Variants in ATP2C2 observed in about 807,000 individuals in gnomAD.
The protein encoded by ATP2C2 is calcium-transporting ATPase type 2C member 2.
ATP2C2 carries 171 observed loss-of-function variants against 110.8 expected under a neutral mutation model. The observed-to-expected ratio is 1.54, with a 90% CI of 1.36 to 1.75. The LOEUF (loss-of-function observed/expected upper bound fraction) is 1.75. Among genes scored for constraint, ATP2C2 ranks in the 40% most tolerant of loss-of-function variants. The probability of loss-of-function intolerance (pLI) is 0.00; values close to 1 mark genes in which losing one functional copy is unlikely to be tolerated. For synonymous variants in ATP2C2, 804 were observed against 508.4 expected (o/e 1.58, Z -7.82); for missense variants, 1,963 against 1,235.0 (o/e 1.59, Z -8.84).
intron 3 of ATP2C2, among the ~76,000 whole-genome samples, chr16:84,405,784 G>A (rs968637638): frequency 6.6e-6 from 1 of 152,280 alleles, no homozygotes; most frequent in Non-Finnish European, 1.5e-5. Flanking sequence ...GCCGGATGTG[G>A]TAGTGGATGC....
intron 1 of ATP2C2, 152 bp downstream of exon 1, chr16:84,368,866 C>G (rs76727304): frequency 1.6e-4 from 107 of 684,256 alleles, no homozygotes; most frequent in Non-Finnish European, 2.0e-4. Flanking sequence ...TCACAGCAAC[C>G]GCGCTCTCAT....
At chr16:84,374,258 G>T (rs531914229) in intron 1 of ATP2C2, among the ~76,000 whole-genome samples, 1 of 152,194 alleles carries the variant, frequency 6.6e-6, no homozygotes, top group Non-Finnish European at 1.5e-5. Context: ...TGTGCGCTGT[G>T]TGATGACTCA....
At chr16:84,436,746 C>T (rs995186717) in intron 11 of ATP2C2, among the ~76,000 whole-genome samples, 2 of 148,474 alleles carry the variant, frequency 1.3e-5, no homozygotes, top group African/African-American at 5.0e-5. Flanking sequence ...TCCCCCTCCC[C>T]ATCGCCAGCG....
intron 1 of ATP2C2, among the ~76,000 whole-genome samples, chr16:84,375,628 T>G (rs1910208747): frequency 6.6e-6 from 1 of 152,210 alleles, no homozygotes; most frequent in African/African-American, 2.4e-5. Context: ...CCACGTGGAT[T>G]CCACGATTCT....
Position 84,461,558 on chromosome 16 carries a change from G to C in ATP2C2, c.2482-156G>C, listed in dbSNP as rs1335173778. The C allele has an allele frequency of 4.2e-6, 3 of 720,770 alleles. No individual in the cohort carries two copies. The African/African-American group carries it at 5.2e-5, about 12-fold the overall frequency. 44.6% of individuals were successfully genotyped at this position (720,770 alleles called of 1,614,324 possible). A position where few individuals can be genotyped will look rare whatever the true frequency, so the allele number is the denominator to read the frequency against. On this transcript the variant is annotated intron_variant, in intron 24 of 26. Coordinates refer to ENST00000262429, the MANE Select transcript of ATP2C2 (RefSeq NM_014861.4). The stretch of plus-strand genomic sequence containing the variant: ...GGGAGACCCTGGGGTAGCAGCCACT[G>C]ACCTCACACCTGGAGGAAGCTGTGT...
intron 25 of ATP2C2, 49 bp downstream of exon 25, chr16:84,461,861 G>C (rs550159854): frequency 1.9e-5 from 30 of 1,607,088 alleles, no homozygotes; most frequent in South Asian, 1.5e-4. Context: ...GTGTGTTCTC[G>C]ACAGCAGCGC....
At chr16:84,444,133 C>G (rs1021984545) in intron 15 of ATP2C2, among the ~76,000 whole-genome samples, 15 of 141,756 alleles carry the variant, frequency 1.1e-4, no homozygotes, top group African/African-American at 4.0e-4. Flanking sequence ...CACCACTGCA[C>G]TCCAGTCTAG....
At chr16:84,403,956 G>T (rs1464792570) in intron 2 of ATP2C2, among the ~76,000 whole-genome samples, 4 of 152,158 alleles carry the variant, frequency 2.6e-5, no homozygotes, top group African/African-American at 9.7e-5. Flanking sequence ...CTCCCAAAGC[G>T]CTGGGATTAC....
intron 4 of ATP2C2, among the ~76,000 whole-genome samples, chr16:84,408,749 C>T (rs888535685): frequency 1.3e-5 from 2 of 152,052 alleles, no homozygotes; most frequent in Non-Finnish European, 2.9e-5. Context: ...GCAGGGAATT[C>T]CTTTCCCGTG....
intron 1 of ATP2C2, among the ~76,000 whole-genome samples, chr16:84,377,854 G>A (rs1910337551): frequency 6.6e-6 from 1 of 152,152 alleles, no homozygotes. Flanking sequence ...TCTTGAGGCT[G>A]CAGCCCCTCT....
At chr16:84,460,570 T>G in intron 23 of ATP2C2, 84 bp from the exon 24 acceptor site, 2 of 1,596,220 alleles carry the variant, frequency 1.3e-6, no homozygotes, top group Non-Finnish European at 1.7e-6. Context: ...CAACTTGGCC[T>G]GGGAGGCTCA....
intron 2 of ATP2C2, among the ~76,000 whole-genome samples, chr16:84,404,146 A>G (rs1412436207): frequency 6.6e-6 from 1 of 152,228 alleles, no homozygotes; most frequent in African/African-American, 2.4e-5. Flanking sequence ...ACGTTCAGGT[A>G]CGTGAAAACT....
chr16:84,451,270 T>C (rs1910234528), intron 17 of ATP2C2, among the ~76,000 whole-genome samples: 1 of 152,132 alleles, frequency 6.6e-6, no homozygotes. Flanking sequence ...CACCCCATGA[T>C]TCAATTATCT....
In ATP2C2 at chr16:84,455,071, G is replaced by GGT. The variant is rs948418834; in HGVS notation, c.2147+88_2147+89insTG. The GGT allele has an allele frequency of 2.8e-5, 39 of 1,376,196 alleles. 3 individuals carry two copies. In the South Asian group the frequency reaches 3.2e-4, roughly 11 times the overall value. 85.2% of individuals were successfully genotyped at this position (1,376,196 alleles called of 1,614,324 possible). A position where few individuals can be genotyped will look rare whatever the true frequency, so the allele number is the denominator to read the frequency against. ...TGGAACCTGCTACTGTGGAGATAGAGGGGGGGGTCTCGCGGAGTCCCCAGG... is the reference window on the plus strand; with the variant it reads ...TGGAACCTGCTACTGTGGAGATAGAGGTGGGGGGGTCTCGCGGAGTCCCCAGG... On this transcript the variant is annotated intron_variant, in intron 21 of 26. Coordinates refer to ENST00000262429, the MANE Select transcript of ATP2C2 (RefSeq NM_014861.4).
At chr16:84,395,660 C>T (rs1904928174) in intron 1 of ATP2C2, among the ~76,000 whole-genome samples, 1 of 151,870 alleles carries the variant, frequency 6.6e-6, no homozygotes. Context: ...CAGATGCCTG[C>T]CACCATGCCT....
At chr16:84,461,249 G>C in intron 24 of ATP2C2, 1 of 265,154 alleles carries the variant, frequency 3.8e-6, no homozygotes, top group Non-Finnish European at 7.2e-6. Flanking sequence ...ATCTAGGTGG[G>C]AAATGAGGCA....
chr16:84,428,082 T>A (rs1168165770), intron 11 of ATP2C2, among the ~76,000 whole-genome samples: 1 of 152,220 alleles, frequency 6.6e-6, no homozygotes, highest in Admixed American at 6.5e-5. Flanking sequence ...TAATGATCAT[T>A]ACAGTGAATT....
At chr16:84,393,043 G>A (rs1904754411) in intron 1 of ATP2C2, among the ~76,000 whole-genome samples, 1 of 152,140 alleles carries the variant, frequency 6.6e-6, no homozygotes, top group African/African-American at 2.4e-5. Flanking sequence ...TTCAAGGTGG[G>A]CCATTCTGGG....
At chr16:84,451,249 G>A (rs1242744355) in intron 17 of ATP2C2, among the ~76,000 whole-genome samples, 1 of 152,140 alleles carries the variant, frequency 6.6e-6, no homozygotes, top group African/African-American at 2.4e-5. Flanking sequence ...ACAGAGCATT[G>A]TGGGGAAAAC....
Sources: allele counts gnomAD v4.1 joint callset (sites outside exome capture counted in the v4.1 genomes callset), GRCh38; gene constraint gnomAD v4.1.1; transcripts MANE v1.5; gene names NCBI Gene and HGNC (gene_info 2026-07-23, HGNC 2026-07-21).